PTPRS: variants seen among roughly 807,000 people sequenced by gnomAD.
PTPRS encodes receptor-type tyrosine-protein phosphatase S.
In PTPRS, 63 loss-of-function variants were observed where a neutral mutation model predicts 215.3. That is an observed-to-expected ratio of 0.29 (90% confidence interval 0.24 to 0.36). The LOEUF is 0.36. PTPRS is among the 10% of genes least tolerant of loss of function. The probability of loss-of-function intolerance (pLI) is 1.00; values close to 1 mark genes in which losing one functional copy is unlikely to be tolerated. For synonymous variants in PTPRS, 1,404 were observed against 1,191.4 expected, an observed-to-expected ratio of 1.18 and a Z score of -3.68; for missense variants, 2,258 against 2,825.8, an observed-to-expected ratio of 0.80 and a Z score of 4.56.
Position 5,219,996 on chromosome 19 carries a change from C to T in PTPRS, c.3708G>A (p.Leu1236=). The T allele has an allele frequency of 6.2e-7, 1 of 1,613,770 alleles. No individual in the cohort carries two copies. Among genetic ancestry groups the T allele is most frequent in the Non-Finnish European group, 8.5e-7 (1 of 1,180,024 alleles). ...AGAGGACATAGCGGTGGCCGGGCTC[C>T]AGGCCCCGGTTATCGAAGCCGCCAT... The part of the protein sequence containing the change: ...KQYGGFDNRG[L]EPGHRYVLFV... The change falls in exon 22 of 38, where the codon CTG becomes CTA. Residue 1236 remains leucine (L), a synonymous_variant. Coordinates refer to ENST00000262963, the MANE Select transcript of PTPRS (RefSeq NM_002850.4).
intron 1 of PTPRS, among the ~76,000 whole-genome samples, chr19:5,302,855 A>AGACGATCCTGGCTAACACAGTGAAACCC (rs2049345680): frequency 1.3e-5 from 2 of 149,996 alleles, no homozygotes; most frequent in Non-Finnish European, 3.0e-5. Flanking sequence ...CAGGAGATCG[A>AGACGATCCTGGCTAACACAGTGAAACCC]GACGATCCTG....
Position 5,214,654 on chromosome 19 carries a change from C to A in PTPRS, c.4401G>T (p.Pro1467=), listed in dbSNP as rs144710133. The part of the protein sequence containing the change: ...CQNAYIATQG[P]LPETFGDFWR... ...AGAAGTCCCCAAAGGTCTCAGGCAG[C>A]GGCCCCTGCGTGGCAATGTACGCGT... The change falls in exon 29 of 38, where the codon CCG becomes CCT. Residue 1467 remains proline (P), a synonymous_variant. Transcript: ENST00000262963. The A allele has an allele frequency of 6.2e-7, 1 of 1,612,994 alleles. No individual in the cohort carries two copies. Among genetic ancestry groups the A allele is most frequent in the African/African-American group, 1.3e-5 (1 of 74,952 alleles).
chr19:5,300,762 C>T (rs1445771454), intron 1 of PTPRS, among the ~76,000 whole-genome samples: 1 of 99,938 alleles, frequency 1.0e-5, no homozygotes, highest in African/African-American at 4.0e-5. Flanking sequence ...AACAAGACTC[C>T]GTCTCAAAAA....
At chr19:5,324,392 CCTGG>C in intron 1 of PTPRS, among the ~76,000 whole-genome samples, 1 of 152,248 alleles carries the variant, frequency 6.6e-6, no homozygotes, top group South Asian at 2.1e-4. Flanking sequence ...ACCCGCTTCC[CCTGG>C]CAGGACCCAG....
At chr19:5,266,791 T>C (rs2046433905) in intron 4 of PTPRS, among the ~76,000 whole-genome samples, 1 of 152,156 alleles carries the variant, frequency 6.6e-6, no homozygotes, top group Non-Finnish European at 1.5e-5. Context: ...TTTTTCTCTC[T>C]GGCCCAGTCA....
chr19:5,220,915 G>A, intron 20 of PTPRS, 85 bp downstream of exon 20: 1 of 1,462,640 alleles, frequency 6.8e-7, no homozygotes. Context: ...GGAAATTGAG[G>A]CACAGAGAGG....
rs143438688 is a variant in PTPRS at position 5,242,729 on chromosome 19, C to T, written c.1570+1172G>A. On this transcript the variant is annotated intron_variant, in intron 11 of 37. Coordinates refer to ENST00000262963, the MANE Select transcript of PTPRS (RefSeq NM_002850.4). ...TTTTTGTTTTAGAGACAAGGTCTTG[C>T]TTTGTTGCCCAGGCTGGAGTGTAGT... is the stretch of plus-strand genomic sequence containing the variant. 3.9e-4 allele frequency among the ~76,000 whole-genome samples: 60 copies of T among 152,226 alleles called. 1 individual carries two copies. The East Asian group carries it at 0.01, about 26-fold the overall frequency.
At chr19:5,245,540 G>T (rs1456404827) in intron 10 of PTPRS, among the ~76,000 whole-genome samples, 2 of 152,086 alleles carry the variant, frequency 1.3e-5, no homozygotes, top group Non-Finnish European at 2.9e-5. Flanking sequence ...CAAACCTCCT[G>T]CCTTGGCCTC....
intron 1 of PTPRS, among the ~76,000 whole-genome samples, chr19:5,334,398 C>T (rs866277632): frequency 6.6e-6 from 1 of 152,244 alleles, no homozygotes; most frequent in Admixed American, 6.5e-5. Context: ...TCTGTGCTTA[C>T]ACACGTTAAC....
At chr19:5,218,666 C>T (rs970630438) in intron 24 of PTPRS, 121 bp downstream of exon 24, 8 of 1,515,430 alleles carry the variant, frequency 5.3e-6, no homozygotes, top group South Asian at 1.1e-5. Context: ...GGACCAAGTA[C>T]AGCTACGTGT....
chr19:5,245,391 C>A (rs1353019061), intron 10 of PTPRS, among the ~76,000 whole-genome samples: 1 of 151,612 alleles, frequency 6.6e-6, no homozygotes, highest in African/African-American at 2.4e-5. Context: ...TGGGCTCAAG[C>A]AGTCCTCCTG....
chr19:5,281,232 G>A (rs929462639), intron 2 of PTPRS, among the ~76,000 whole-genome samples: 3 of 151,960 alleles, frequency 2.0e-5, no homozygotes, highest in African/African-American at 4.8e-5. Context: ...AGGCCAAAGC[G>A]GGAGGATCAA....
At chr19:5,267,657 A>AAC (rs1461361680) in intron 4 of PTPRS, among the ~76,000 whole-genome samples, 8 of 149,878 alleles carry the variant, frequency 5.3e-5, no homozygotes, top group East Asian at 3.9e-4. Flanking sequence ...ACTGTCTCAA[A>AAC]AAAAAAAAAA....
At chr19:5,318,321 C>A (rs2049934040) in intron 1 of PTPRS, among the ~76,000 whole-genome samples, 1 of 146,930 alleles carries the variant, frequency 6.8e-6, no homozygotes, top group Non-Finnish European at 1.5e-5. Context: ...GCCTGGGCAA[C>A]AAGGTGAGAC....
chr19:5,301,210 G>T (rs1033457747), intron 1 of PTPRS, among the ~76,000 whole-genome samples: 112 of 152,316 alleles, frequency 7.4e-4, no homozygotes, highest in African/African-American at 2.5e-3. Context: ...GGAGGACGGG[G>T]GAGGGACAGA....
chr19:5,310,403 C>T (rs1217274671), intron 1 of PTPRS, among the ~76,000 whole-genome samples: 2 of 150,300 alleles, frequency 1.3e-5, no homozygotes, highest in African/African-American at 2.4e-5. Context: ...CTACAACCTC[C>T]GCTTCCCCCG....
At chr19:5,328,155 T>C (rs1325012326) in intron 1 of PTPRS, among the ~76,000 whole-genome samples, 1 of 152,166 alleles carries the variant, frequency 6.6e-6, no homozygotes, top group Non-Finnish European at 1.5e-5. Flanking sequence ...CTCACTCTAT[T>C]GCCCAGGCTG....
intron 7 of PTPRS, among the ~76,000 whole-genome samples, chr19:5,259,638 C>G (rs1028747332): frequency 1.3e-5 from 2 of 152,190 alleles, no homozygotes; most frequent in African/African-American, 4.8e-5. Flanking sequence ...GTTTGAATCA[C>G]AGGCCTGGAC....
chr19:5,261,816 T>A (rs1249481206), intron 6 of PTPRS, among the ~76,000 whole-genome samples: 3 of 152,196 alleles, frequency 2.0e-5, no homozygotes, highest in African/African-American at 4.8e-5. Flanking sequence ...CCCTGAATTA[T>A]CTTTCGAGGT....
Sources: allele counts gnomAD v4.1 joint callset (sites outside exome capture counted in the v4.1 genomes callset), GRCh38; gene constraint gnomAD v4.1.1; transcripts MANE v1.5; gene names NCBI Gene and HGNC (gene_info 2026-07-23, HGNC 2026-07-21).